RTL4: variants seen among roughly 807,000 people sequenced by gnomAD.
The protein encoded by RTL4 is retrotransposon Gag like 4, also known as retrotransposon Gag-like protein 4.
In RTL4, 4 loss-of-function variants were observed where a neutral mutation model predicts 5.3. The ratio of observed to expected loss-of-function variants is 0.75; its 90% confidence interval spans 0.37 to 1.72. RTL4 has a LOEUF of 1.72. Ranked by LOEUF, RTL4 falls within the 40% of genes most tolerant of loss-of-function variation. RTL4 has a pLI of 0.04. For synonymous variants in RTL4, 98 were observed against 87.3 expected (o/e 1.12, Z -0.68); for missense variants, 260 against 227.1 (o/e 1.14, Z -0.93).
chrX:112,199,523 G>A, the RTL4 span, among the ~76,000 whole-genome samples: 1 of 110,899 alleles, frequency 9.0e-6, no homozygotes, highest in African/African-American at 3.3e-5. Flanking sequence ...GGGTGGAGGA[G>A]GCCCCATTAA....
At chrX:112,450,382 G>T (rs1312639141), upstream of RTL4, among the ~76,000 whole-genome samples, 3 of 111,977 alleles carry the variant, frequency 2.7e-5, no homozygotes, top group African/African-American at 9.8e-5. Context: ...GTTAGACCTT[G>T]TCCGAGCTCA....
At chrX:112,407,908 C>A in the RTL4 span, among the ~76,000 whole-genome samples, 1 of 112,466 alleles carries the variant, frequency 8.9e-6, no homozygotes, top group African/African-American at 3.2e-5. Flanking sequence ...GAAAGCAGTA[C>A]CTTAGTGAGT....
chrX:112,106,726 T>C, the RTL4 span, among the ~76,000 whole-genome samples: 1 of 112,049 alleles, frequency 8.9e-6, no homozygotes, highest in Non-Finnish European at 1.9e-5. Context: ...AGTGAAATTA[T>C]GTCTCGTGAT....
chrX:112,241,581 G>A, the RTL4 span, among the ~76,000 whole-genome samples: 8 of 111,849 alleles, frequency 7.2e-5, no homozygotes, highest in Admixed American at 1.9e-4. Flanking sequence ...GTTCTTTGTC[G>A]ATTCTGGCTA....
At chrX:112,335,810 C>G in the RTL4 span, among the ~76,000 whole-genome samples, 1 of 108,967 alleles carries the variant, frequency 9.2e-6, no homozygotes, top group Non-Finnish European at 1.9e-5. Flanking sequence ...CCAGTAAAAT[C>G]TTTATTTATT....
the RTL4 span, among the ~76,000 whole-genome samples, chrX:112,251,160 G>T: frequency 1.2e-4 from 14 of 112,234 alleles, no homozygotes; most frequent in Non-Finnish European, 2.6e-4. Context: ...TATTTTAGGA[G>T]TTCCTGCACT....
the RTL4 span, among the ~76,000 whole-genome samples, chrX:112,445,691 C>G: frequency 9.0e-6 from 1 of 111,529 alleles, no homozygotes; most frequent in Non-Finnish European, 1.9e-5. Flanking sequence ...TAAGGAGTTT[C>G]CATATGTTGC....
chrX:112,318,601 C>G, the RTL4 span, among the ~76,000 whole-genome samples: 2 of 111,745 alleles, frequency 1.8e-5, no homozygotes, highest in African/African-American at 6.5e-5. Context: ...AAATAGCTTT[C>G]TTAAGAGTTA....
chrX:112,442,782 A>T, the RTL4 span, among the ~76,000 whole-genome samples: 46 of 110,469 alleles, frequency 4.2e-4, no homozygotes, highest in African/African-American at 1.4e-3. Flanking sequence ...ATAATTTTTT[A>T]TTTTTTATAT....
chrX:112,312,159 C>T, the RTL4 span, among the ~76,000 whole-genome samples: 1 of 111,524 alleles, frequency 9.0e-6, no homozygotes, highest in Admixed American at 9.7e-5. Flanking sequence ...AAGTACAGGT[C>T]ATGGCATTGG....
chrX:112,353,971 C>T, the RTL4 span, among the ~76,000 whole-genome samples: 1 of 111,381 alleles, frequency 9.0e-6, no homozygotes, highest in Non-Finnish European at 1.9e-5. Flanking sequence ...AAGCTAAAGT[C>T]ATTTTCATGG....
At chrX:112,272,158 A>C in the RTL4 span, among the ~76,000 whole-genome samples, 13 of 112,196 alleles carry the variant, frequency 1.2e-4, no homozygotes, top group Admixed American at 1.9e-4. Context: ...CTGAAACCGT[A>C]CTCATCAGCC....
chrX:112,285,335 T>C, the RTL4 span, among the ~76,000 whole-genome samples: 1 of 112,071 alleles, frequency 8.9e-6, no homozygotes, highest in Non-Finnish European at 1.9e-5. Flanking sequence ...CAGTAACAGT[T>C]GTATTAATAG....
chrX:112,262,808 T>A, the RTL4 span, among the ~76,000 whole-genome samples: 1 of 110,789 alleles, frequency 9.0e-6, no homozygotes, highest in Non-Finnish European at 1.9e-5. Context: ...TGTCCATCAA[T>A]GATAGACTGG....
the RTL4 span, among the ~76,000 whole-genome samples, chrX:112,265,648 T>G: frequency 9.0e-6 from 1 of 111,571 alleles, no homozygotes; most frequent in Admixed American, 9.5e-5. Context: ...GATAGGTAGC[T>G]TGTCCTCTGC....
At chrX:112,308,280 C>A in the RTL4 span, among the ~76,000 whole-genome samples, 1 of 110,971 alleles carries the variant, frequency 9.0e-6, no homozygotes, top group Admixed American at 9.7e-5. Flanking sequence ...CACCTCCCAC[C>A]CTGAGACAAA....
At chrX:112,187,114 A>G in the RTL4 span, among the ~76,000 whole-genome samples, 2 of 112,004 alleles carry the variant, frequency 1.8e-5, no homozygotes, top group Non-Finnish European at 3.8e-5. Flanking sequence ...TACGCCCTCC[A>G]TTTATGCTTT....
chrX:112,086,747 ACATT>A, the RTL4 span, among the ~76,000 whole-genome samples: 1 of 112,388 alleles, frequency 8.9e-6, no homozygotes, highest in Non-Finnish European at 1.9e-5. Context: ...AACAATTAGC[ACATT>A]CAAACTTTAC....
At chrX:112,115,413 C>T in the RTL4 span, among the ~76,000 whole-genome samples, 1 of 111,601 alleles carries the variant, frequency 9.0e-6, no homozygotes, top group Non-Finnish European at 1.9e-5. Flanking sequence ...GGACCTTACC[C>T]TTGTCCTATA....
Sources: gnomAD v4.1 joint callset for allele counts (sites outside exome capture counted in the v4.1 genomes callset) on GRCh38, gnomAD v4.1.1 for gene constraint, MANE v1.5 for transcripts, NCBI Gene and HGNC (gene_info 2026-07-23, HGNC 2026-07-21) for gene names.